Variants in MEIKIN observed in about 807,000 individuals in gnomAD.
MEIKIN encodes the protein meiotic kinetochore factor.
chr5:131,894,788 G>A (rs1426191203), intron 8 of MEIKIN, among the ~76,000 whole-genome samples: 6 of 152,174 alleles, frequency 3.9e-5, no homozygotes, highest in African/African-American at 1.4e-4. Context: ...ATCAGCTTAA[G>A]GAGATTTTGG....
In MEIKIN at chr5:131,892,090, T is replaced by C. The variant is rs574786289; in HGVS notation, c.704-13042A>G. 2.6e-5 allele frequency among the ~76,000 whole-genome samples: 4 copies of C among 152,254 alleles called. No individual in the cohort carries two copies. In the South Asian group the frequency reaches 8.3e-4, roughly 32 times the overall value. On this transcript the variant is annotated intron_variant, in intron 8 of 12. Coordinates refer to ENST00000442687, the MANE Select transcript of MEIKIN (RefSeq NM_001303622.2). ...GAGTTTCTGCCAAGAGATCAGCTGT[T>C]AGTCTCATGGGCGTCCCTTTGTGGG...
In MEIKIN at chr5:131,856,481, T is replaced by C. The variant is rs541084480; in HGVS notation, c.775-1647A>G. Among the ~76,000 whole-genome samples the C allele has an allele frequency of 2.0e-5, 3 of 152,354 alleles. No individual in the cohort carries two copies. In the East Asian group the frequency reaches 5.8e-4, roughly 29 times the overall value. On this transcript the variant is annotated intron_variant, in intron 9 of 12. Coordinates refer to ENST00000442687, the MANE Select transcript of MEIKIN (RefSeq NM_001303622.2). ...TTTCAAGCAGCCCCCAGCCAATGTCTGGGCATAACAGTCCAACACAAGACT... is the reference window on the plus strand; with the variant it reads ...TTTCAAGCAGCCCCCAGCCAATGTCCGGGCATAACAGTCCAACACAAGACT...
chr5:131,880,119 GCT>G (rs1472819041), intron 8 of MEIKIN, among the ~76,000 whole-genome samples: 1 of 150,190 alleles, frequency 6.7e-6, no homozygotes, highest in Non-Finnish European at 1.5e-5. Flanking sequence ...ACGGAGTTTT[GCT>G]CTTTGTTGCC....
intron 8 of MEIKIN, among the ~76,000 whole-genome samples, chr5:131,890,293 A>C (rs1580892593): frequency 1.3e-5 from 2 of 152,142 alleles, no homozygotes; most frequent in Middle Eastern, 6.8e-3. Flanking sequence ...TCCTCCTTGT[A>C]CCTCTGGTAG....
chr5:131,932,714 T>C (rs926976716), intron 5 of MEIKIN, among the ~76,000 whole-genome samples: 1 of 152,218 alleles, frequency 6.6e-6, no homozygotes, highest in Non-Finnish European at 1.5e-5. Context: ...TTCTCCAGTC[T>C]AGAGTCCCTG....
At chr5:131,863,886 T>C (rs1227893982) in intron 9 of MEIKIN, among the ~76,000 whole-genome samples, 2 of 152,150 alleles carry the variant, frequency 1.3e-5, no homozygotes, top group South Asian at 4.1e-4. Flanking sequence ...CCACCACCCA[T>C]GTAAGACGTG....
chr5:131,940,073 G>C (rs749043378), intron 4 of MEIKIN, among the ~76,000 whole-genome samples: 1 of 152,174 alleles, frequency 6.6e-6, no homozygotes, highest in Non-Finnish European at 1.5e-5. Flanking sequence ...AAGAGTTAAA[G>C]ACAGACGAAA....
At chr5:131,838,379 G>A (rs1749847666) in intron 11 of MEIKIN, among the ~76,000 whole-genome samples, 1 of 152,146 alleles carries the variant, frequency 6.6e-6, no homozygotes, top group African/African-American at 2.4e-5. Flanking sequence ...GAATAAGTTA[G>A]AGGGGAGTCC....
At chr5:131,873,821 G>T (rs1393485820) in intron 9 of MEIKIN, among the ~76,000 whole-genome samples, 1 of 152,154 alleles carries the variant, frequency 6.6e-6, no homozygotes, top group African/African-American at 2.4e-5. Context: ...AATCAAACTA[G>T]AACTCATGAT....
intron 11 of MEIKIN, among the ~76,000 whole-genome samples, chr5:131,829,174 T>TAC (rs1340395277): frequency 1.3e-5 from 2 of 152,132 alleles, no homozygotes; most frequent in African/African-American, 4.8e-5. Context: ...AAGCTAGAAC[T>TAC]ACAATAAAGT....
intron 11 of MEIKIN, among the ~76,000 whole-genome samples, chr5:131,850,366 G>A (rs759079395): frequency 3.9e-5 from 6 of 152,194 alleles, no homozygotes; most frequent in Admixed American, 2.0e-4. Context: ...AAGGGATCCT[G>A]AATAGTAAAA....
intron 11 of MEIKIN, among the ~76,000 whole-genome samples, chr5:131,828,831 T>C (rs900910296): frequency 2.6e-5 from 4 of 152,188 alleles, no homozygotes; most frequent in Non-Finnish European, 5.9e-5. Flanking sequence ...CTTCATGCAC[T>C]CAGAATTTCT....
chr5:131,889,427 G>A (rs960329667), intron 8 of MEIKIN, among the ~76,000 whole-genome samples: 23 of 152,142 alleles, frequency 1.5e-4, no homozygotes, highest in East Asian at 3.9e-4. Flanking sequence ...GGTCCTTCAC[G>A]TCCCTTGTAA....
intron 12 of MEIKIN, among the ~76,000 whole-genome samples, chr5:131,812,835 C>T (rs769523463): frequency 1.3e-5 from 2 of 151,904 alleles, no homozygotes; most frequent in Admixed American, 6.5e-5. Context: ...CCAGGGTGAA[C>T]CTTTAGGATT....
intron 9 of MEIKIN, among the ~76,000 whole-genome samples, chr5:131,874,327 C>A (rs914678881): frequency 6.6e-6 from 1 of 152,084 alleles, no homozygotes; most frequent in African/African-American, 2.4e-5. Flanking sequence ...ACCACCGATC[C>A]CACAGAAATA....
chr5:131,827,003 T>A (rs547623263), intron 11 of MEIKIN, among the ~76,000 whole-genome samples: 59 of 152,326 alleles, frequency 3.9e-4, no homozygotes, highest in East Asian at 1.2e-3. Flanking sequence ...AATTTTTTTT[T>A]AAATTTTTAA....
At chr5:131,880,517 C>T (rs1750687376) in intron 8 of MEIKIN, among the ~76,000 whole-genome samples, 4 of 152,114 alleles carry the variant, frequency 2.6e-5, no homozygotes, top group Non-Finnish European at 5.9e-5. Flanking sequence ...ACTGGGATTA[C>T]AGGCGTAAGC....
intron 11 of MEIKIN, among the ~76,000 whole-genome samples, chr5:131,832,758 G>C (rs1448646954): frequency 6.6e-6 from 1 of 152,234 alleles, no homozygotes. Context: ...TGTGGAAGCT[G>C]CCAAGCTTGA....
At chr5:131,811,575 G>T (rs906181340) in intron 12 of MEIKIN, among the ~76,000 whole-genome samples, 3 of 150,774 alleles carry the variant, frequency 2.0e-5, no homozygotes, top group African/African-American at 7.3e-5. Flanking sequence ...CCAACGTGCT[G>T]GGATTACAGG....
Sources: allele counts gnomAD v4.1 joint callset (sites outside exome capture counted in the v4.1 genomes callset), GRCh38; gene constraint gnomAD v4.1.1; transcripts MANE v1.5; gene names NCBI Gene and HGNC (gene_info 2026-07-23, HGNC 2026-07-21).